The following SMARCA4 variants were observed in gnomAD, a reference collection of about 807,000 sequenced individuals.
The protein encoded by SMARCA4 is SWI/SNF related BAF chromatin remodeling complex subunit ATPase 4.
Under a neutral mutation model 193.9 loss-of-function variants are expected in SMARCA4, and 31 were observed. The ratio of observed to expected loss-of-function variants is 0.16; its 90% confidence interval spans 0.12 to 0.22. SMARCA4 has a LOEUF of 0.22. Among genes scored for constraint, SMARCA4 ranks in the 10% least tolerant of loss-of-function variants. The probability of loss-of-function intolerance (pLI) is 1.00; values close to 1 mark genes in which losing one functional copy is unlikely to be tolerated. For synonymous variants in SMARCA4, 942 were observed against 933.1 expected (o/e 1.01, Z -0.17); for missense variants, 1,148 against 2,296.0 (o/e 0.50, Z 10.22).
At chr19:11,061,188 T>TTAA (rs1178420558) in intron 34 of SMARCA4, among the ~76,000 whole-genome samples, 19 of 68,840 alleles carry the variant, frequency 2.8e-4, no homozygotes, top group South Asian at 1.6e-3. Flanking sequence ...ACCCTGTCTT[T>TTAA]AAAAAAAAAA....
intron 16 of SMARCA4, 112 bp downstream of exon 16, chr19:11,013,224 T>C: frequency 7.7e-7 from 1 of 1,292,446 alleles, no homozygotes; most frequent in South Asian, 1.3e-5. Flanking sequence ...TTACAGAAAT[T>C]TGTTTTCCTG....
At chr19:11,050,851 A>G (rs78473808) in intron 30 of SMARCA4, among the ~76,000 whole-genome samples, 2 of 152,322 alleles carry the variant, frequency 1.3e-5, no homozygotes, top group East Asian at 3.9e-4. Flanking sequence ...CCTTGGGGAC[A>G]GGGGGGCTCC....
intron 1 of SMARCA4, among the ~76,000 whole-genome samples, chr19:10,974,227 T>C (rs926477088): frequency 1.3e-5 from 2 of 152,114 alleles, no homozygotes; most frequent in Non-Finnish European, 2.9e-5. Context: ...AGACAAAAGC[T>C]AGGGGTGGCG....
intron 32 of SMARCA4, chr19:11,059,098 G>C: frequency 1.9e-6 from 1 of 529,646 alleles, no homozygotes; most frequent in Non-Finnish European, 3.4e-6. Context: ...AACATAACAA[G>C]ACCCTGTCTT....
At position 11,034,966 on chromosome 19, in the gene SMARCA4, C is replaced by T. The variant is rs2146697985; in HGVS notation, c.4004C>T (p.Pro1335Leu). The T allele has an allele frequency of 6.2e-7, 1 of 1,600,660 alleles. No homozygotes were observed. Among genetic ancestry groups the T allele is most frequent in the Non-Finnish European group, 8.5e-7 (1 of 1,174,702 alleles). Residue 1335 changes from proline (P) to leucine (L), a missense_variant, in exon 29 of 35, where the codon CCG becomes CTG. Physicochemically the swap from Pro to Leu is moderately conservative, Grantham distance 98. Coordinates refer to ENST00000344626, the MANE Select transcript of SMARCA4 (RefSeq NM_003072.5). The surrounding 1 kb of genome is among the most constrained non-coding windows in gnomAD (Gnocchi z 7.0). ...GAGGCCCGCAACCCCAAGCGGAAGCCGCGCCTCATGGAGGAGGACGAGCTC... is the reference window on the plus strand; with the variant it reads ...GAGGCCCGCAACCCCAAGCGGAAGCTGCGCCTCATGGAGGAGGACGAGCTC... The part of the protein sequence containing the change: ...REEARNPKRK[P>L]RLMEEDELPS...
chr19:11,023,487 C>A (rs772855668), intron 19 of SMARCA4, 31 bp from the exon 20 acceptor site: 1 of 1,403,358 alleles, frequency 7.1e-7, no homozygotes, highest in Non-Finnish European at 1.0e-6. Flanking sequence ...TTGGAGGTAA[C>A]GCTTGCTTCT....
At chr19:11,021,562 C>A (rs545981169) in intron 18 of SMARCA4, 163 bp from the exon 19 acceptor site, 5 of 851,214 alleles carry the variant, frequency 5.9e-6, no homozygotes, top group Admixed American at 4.0e-5. Flanking sequence ...GGCTCCAACT[C>A]GGTGAGTCAG....
chr19:10,999,948 G>A (rs1278172868), intron 11 of SMARCA4, among the ~76,000 whole-genome samples: 5 of 152,098 alleles, frequency 3.3e-5, no homozygotes, highest in African/African-American at 9.7e-5. Context: ...TACTGGGGCC[G>A]GGTGCGGTGG....
In SMARCA4 at chr19:11,003,331, T is replaced by G. The variant is rs764313121; in HGVS notation, c.1944-9T>G. 1 of 1,613,550 alleles carries G rather than the reference T, an allele frequency of 6.2e-7. No homozygotes were observed. The highest frequency in any genetic ancestry group is 8.5e-7 in the Non-Finnish European group (1 of 1,179,552). ...CAGATTTGTATGAAAGCCCTTACATTTTTTCTAGGTATGAAGTAGCTCCGA... is the reference window on the plus strand; with the variant it reads ...CAGATTTGTATGAAAGCCCTTACATGTTTTCTAGGTATGAAGTAGCTCCGA... On this transcript the variant is annotated splice_polypyrimidine_tract_variant and intron_variant, in intron 12 of 34. Transcript: ENST00000344626.
chr19:10,966,601 G>A (rs1278503701), intron 1 of SMARCA4, among the ~76,000 whole-genome samples: 1 of 151,688 alleles, frequency 6.6e-6, no homozygotes, highest in Non-Finnish European at 1.5e-5. Context: ...AAAGCCGGGG[G>A]TTGGGCTGGG....
intron 7 of SMARCA4, 105 bp from the exon 8 acceptor site, chr19:10,991,045 C>A (rs2086514403): frequency 5.8e-6 from 9 of 1,556,708 alleles, no homozygotes; most frequent in Admixed American, 1.9e-5. Flanking sequence ...AAGGCACTTA[C>A]AATGCTCCTT....
intron 16 of SMARCA4, among the ~76,000 whole-genome samples, chr19:11,014,414 C>T (rs1008210123): frequency 6.6e-6 from 1 of 152,224 alleles, no homozygotes; most frequent in South Asian, 2.1e-4. Flanking sequence ...TCCTACGTGG[C>T]GGGTAGAACA....
chr19:10,965,840 G>A (rs1045909381), intron 1 of SMARCA4, among the ~76,000 whole-genome samples: 4 of 152,084 alleles, frequency 2.6e-5, no homozygotes, highest in African/African-American at 9.7e-5. Context: ...ATTCAAGGAG[G>A]AAGGTATAAT....
chr19:11,017,287 G>C (rs977462315), intron 16 of SMARCA4, among the ~76,000 whole-genome samples: 43 of 152,316 alleles, frequency 2.8e-4, no homozygotes, highest in African/African-American at 8.2e-4. Flanking sequence ...GCAGGCCTTG[G>C]GGCCAGTTCC....
chr19:10,969,314 A>G (rs527906205), intron 1 of SMARCA4, among the ~76,000 whole-genome samples: 2 of 152,284 alleles, frequency 1.3e-5, no homozygotes, highest in South Asian at 4.1e-4. Flanking sequence ...TCTTGATGTT[A>G]TCTCCCAGGC....
chr19:11,039,554 G>A lies in SMARCA4; in HGVS notation c.4171-1753G>A, dbSNP rs1060502086. 1 of 1,588,410 alleles carries A rather than the reference G, an allele frequency of 6.3e-7. No homozygotes were observed. The highest frequency in any genetic ancestry group is 8.6e-7 in the Non-Finnish European group (1 of 1,167,562). On this transcript the variant is annotated intron_variant, in intron 29 of 34. Transcript: ENST00000344626. ...TCAGTTCTGCACACGTGCGTCAAAG[G>A]TGGGGAGAGTTCTGGTGGTGGGTGG...
chr19:11,018,718 A>G (rs1056756247), intron 16 of SMARCA4, among the ~76,000 whole-genome samples: 5 of 152,048 alleles, frequency 3.3e-5, no homozygotes, highest in African/African-American at 1.2e-4. Flanking sequence ...TCTCACTCTA[A>G]AGGGCCTTGC....
In SMARCA4 at chr19:11,004,564, G is replaced by C. The variant is rs116708215; in HGVS notation, c.2001+1167G>C. ...GTGCGTCAAAGTCTGTTCTGTGTTA[G>C]TCACTCTAACCCTCTTATGATTATT... On this transcript the variant is annotated intron_variant, in intron 13 of 34. Coordinates refer to ENST00000344626, the MANE Select transcript of SMARCA4 (RefSeq NM_003072.5). 4.3e-3 allele frequency among the ~76,000 whole-genome samples: 662 copies of C among 152,228 alleles called. 4 individuals are homozygous for C. Among genetic ancestry groups the C allele is most frequent in the African/African-American group, 0.015 (619 of 41,554 alleles).
intron 6 of SMARCA4, among the ~76,000 whole-genome samples, 154 bp from the exon 7 acceptor site, chr19:10,989,163 T>C (rs1249904208): frequency 1.3e-5 from 2 of 152,330 alleles, no homozygotes; most frequent in East Asian, 3.9e-4. Flanking sequence ...TCTCCCTCTC[T>C]GCTGTGCCCT....
Sources: gnomAD v4.1 joint callset for allele counts (sites outside exome capture counted in the v4.1 genomes callset) on GRCh38, gnomAD v4.1.1 for gene constraint, Gnocchi (gnomAD v3.1) non-coding constraint, MANE v1.5 for transcripts, NCBI Gene and HGNC (gene_info 2026-07-23, HGNC 2026-07-21) for gene names.